The following C8orf34 variants were observed in gnomAD, a reference collection of about 807,000 sequenced individuals.
The protein encoded by C8orf34 is chromosome 8 open reading frame 34.
A neutral mutation model predicts 68.3 loss-of-function variants in C8orf34; 65 were observed. The observed-to-expected ratio is 0.95, with a 90% CI of 0.78 to 1.17. The LOEUF (loss-of-function observed/expected upper bound fraction) is 1.17, where lower values mean the gene tolerates loss of function less well. Ranked by LOEUF, C8orf34 falls within the 50% of genes most tolerant of loss-of-function variation. The pLI is 0.00. For synonymous variants in C8orf34, 244 were observed against 241.2 expected, an observed-to-expected ratio of 1.01 and a Z score of -0.11; for missense variants, 664 against 655.4, an observed-to-expected ratio of 1.01 and a Z score of -0.14.
chr8:68,727,849 C>A (rs528759907), intron 10 of C8orf34, among the ~76,000 whole-genome samples: 1 of 152,266 alleles, frequency 6.6e-6, no homozygotes, highest in African/African-American at 2.4e-5. Flanking sequence ...CTAGGCCCAG[C>A]CCATCCTCCT....
chr8:68,687,018 G>A (rs1187424930), intron 8 of C8orf34, among the ~76,000 whole-genome samples: 1 of 151,846 alleles, frequency 6.6e-6, no homozygotes, highest in African/African-American at 2.4e-5. Context: ...TTTACCAACA[G>A]CTTCAAGAAA....
At chr8:68,404,724 A>G (rs1276101723) in intron 1 of C8orf34, among the ~76,000 whole-genome samples, 1 of 152,060 alleles carries the variant, frequency 6.6e-6, no homozygotes, top group East Asian at 1.9e-4. Flanking sequence ...GTTCTTTTCC[A>G]TTGGTCTAGA....
chr8:68,716,549 A>C (rs1367772707), intron 9 of C8orf34, among the ~76,000 whole-genome samples: 1 of 152,120 alleles, frequency 6.6e-6, no homozygotes. Context: ...AAATTATCTT[A>C]GTTATCAGGG....
intron 7 of C8orf34, 38 bp from the exon 8 acceptor site, chr8:68,640,338 G>GTTAAT: frequency 6.3e-7 from 1 of 1,595,220 alleles, no homozygotes. Flanking sequence ...TTCCACTAGA[G>GTTAAT]TTAATTTTTT....
chr8:68,762,498 T>C (rs1376860639), intron 10 of C8orf34, among the ~76,000 whole-genome samples: 1 of 152,232 alleles, frequency 6.6e-6, no homozygotes. Flanking sequence ...ACAAGAATTA[T>C]TCTGTTTTCT....
chr8:68,579,209 AGT>A (rs996190967), intron 7 of C8orf34, among the ~76,000 whole-genome samples: 35 of 152,066 alleles, frequency 2.3e-4, no homozygotes, highest in African/African-American at 6.5e-4. Flanking sequence ...TCTTGACATA[AGT>A]GAGAGAAGTC....
chr8:68,577,779 G>A lies in C8orf34; in HGVS notation c.1105+44630G>A, dbSNP rs117852817. Among the ~76,000 whole-genome samples, 43 of 151,596 alleles carry A rather than the reference G, an allele frequency of 2.8e-4. 2 individuals are homozygous for A. In the East Asian group the frequency reaches 7.7e-3, roughly 27 times the overall value. On this transcript the variant is annotated intron_variant, in intron 7 of 13. Coordinates refer to ENST00000518698, the MANE Select transcript of C8orf34 (RefSeq NM_052958.4). ...TGAAAACTTGGATTGTAAAATAAACGTGGTATACAATATGTTTTTATGTAA... is the reference window on the plus strand; with the variant it reads ...TGAAAACTTGGATTGTAAAATAAACATGGTATACAATATGTTTTTATGTAA...
intron 1 of C8orf34, among the ~76,000 whole-genome samples, chr8:68,364,930 C>A (rs1172287201): frequency 6.6e-6 from 1 of 151,764 alleles, no homozygotes; most frequent in African/African-American, 2.4e-5. Flanking sequence ...ACACAAAAAA[C>A]CCTTCAAAAA....
At chr8:68,721,524 C>A in intron 10 of C8orf34, 87 bp downstream of exon 10, 2 of 899,872 alleles carry the variant, frequency 2.2e-6, no homozygotes, top group South Asian at 1.6e-5. Flanking sequence ...TATAATAAAG[C>A]CAGCTTTCTT....
intron 7 of C8orf34, among the ~76,000 whole-genome samples, chr8:68,556,201 T>C (rs1816246052): frequency 6.6e-6 from 1 of 151,528 alleles, no homozygotes; most frequent in Non-Finnish European, 1.5e-5. Flanking sequence ...GCTATAGATA[T>C]ATAAATATTT....
At chr8:68,486,945 G>C (rs1391168494) in intron 4 of C8orf34, among the ~76,000 whole-genome samples, 1 of 152,028 alleles carries the variant, frequency 6.6e-6, no homozygotes, top group African/African-American at 2.4e-5. Flanking sequence ...CCTTTGCTCT[G>C]TGCCCTGAAT....
chr8:68,700,559 C>G (rs1003013522), intron 8 of C8orf34, among the ~76,000 whole-genome samples: 7 of 152,030 alleles, frequency 4.6e-5, no homozygotes, highest in African/African-American at 1.7e-4. Context: ...TTGAATTAGA[C>G]AGTTATTCTG....
intron 12 of C8orf34, chr8:68,791,213 A>G: frequency 2.6e-6 from 1 of 379,640 alleles, no homozygotes; most frequent in Middle Eastern, 6.8e-4. Flanking sequence ...GGAAACTTAC[A>G]GTCATGGCAG....
chr8:68,798,141 G>GTTTATTTA (rs113226715), intron 12 of C8orf34, among the ~76,000 whole-genome samples: 3 of 151,090 alleles, frequency 2.0e-5, no homozygotes, highest in African/African-American at 7.3e-5. Context: ...TTATTTATTT[G>GTTTATTTA]TTTATTTATT....
chr8:68,569,814 C>A (rs1292579862), intron 7 of C8orf34, among the ~76,000 whole-genome samples: 5 of 152,158 alleles, frequency 3.3e-5, no homozygotes, highest in African/African-American at 1.2e-4. Flanking sequence ...TCTAAAATTG[C>A]CTTGAGGACA....
intron 10 of C8orf34, among the ~76,000 whole-genome samples, chr8:68,722,533 TACTG>T (rs1821705294): frequency 6.6e-6 from 1 of 152,114 alleles, no homozygotes; most frequent in African/African-American, 2.4e-5. Context: ...TTTTTAAAAT[TACTG>T]ACAAAATCAA....
intron 7 of C8orf34, chr8:68,534,936 A>T (rs942960052): frequency 1.0e-6 from 1 of 985,262 alleles, no homozygotes; most frequent in African/African-American, 1.7e-5. Context: ...TAGACATTTT[A>T]GCCTGTGGTC....
intron 10 of C8orf34, among the ~76,000 whole-genome samples, chr8:68,737,047 G>A (rs564667341): frequency 1.3e-5 from 2 of 152,142 alleles, no homozygotes; most frequent in East Asian, 3.9e-4. Context: ...TGTGGCCATA[G>A]TGTCAGTACA....
chr8:68,472,584 C>G (rs1327597926), intron 4 of C8orf34, among the ~76,000 whole-genome samples: 1 of 152,008 alleles, frequency 6.6e-6, no homozygotes, highest in Non-Finnish European at 1.5e-5. Context: ...TTCTGCCTGC[C>G]ATAGATATTA....
Sources: gnomAD v4.1 joint callset for allele counts (sites outside exome capture counted in the v4.1 genomes callset) on GRCh38, gnomAD v4.1.1 for gene constraint, MANE v1.5 for transcripts, NCBI Gene and HGNC (gene_info 2026-07-23, HGNC 2026-07-21) for gene names.